The following FSTL5 variants were observed in gnomAD, a reference collection of about 807,000 sequenced individuals.
FSTL5 encodes follistatin-related protein 5.
In FSTL5, 62 loss-of-function variants were observed where a neutral mutation model predicts 89.1. The observed-to-expected ratio is 0.70, with a 90% CI of 0.57 to 0.86. The LOEUF (loss-of-function observed/expected upper bound fraction) is 0.86, where lower values mean the gene tolerates loss of function less well. Among genes scored for constraint, FSTL5 ranks in the 40% least tolerant of loss-of-function variants. FSTL5 has a pLI of 0.00. For missense variants in FSTL5, 1,057 were observed against 1,001.6 expected (o/e 1.06, Z -0.75); for synonymous variants, 383 against 346.2 (o/e 1.11, Z -1.18).
rs558316067 is a variant in FSTL5 at position 161,550,040 on chromosome 4, A to G, written c.1016-7347T>C. Among the ~76,000 whole-genome samples, 6 of 151,984 alleles carry G rather than the reference A, an allele frequency of 3.9e-5. No homozygotes were observed. In the South Asian group the frequency reaches 1.2e-3, roughly 32 times the overall value. On this transcript the variant is annotated intron_variant, in intron 8 of 15. Transcript: ENST00000306100. ...TACTGGCCTGTTAGTTCCCTTTCCC[A>G]GCTATACTCTGGGAATATTAAACTA...
chr4:161,759,436 A>G lies in FSTL5; in HGVS notation c.702T>C (p.Ala234=). ...YDDFNADKHL[A]LEEFYRAFQV... Reference sequence around the variant, plus strand: ...GGAATGCTCTATAAAATTCTTCAAGAGCCAGGTGCTTGTCAGCATTAAAAT... The same window carrying G: ...GGAATGCTCTATAAAATTCTTCAAGGGCCAGGTGCTTGTCAGCATTAAAAT... Residue 234 remains alanine (A), a synonymous_variant, in exon 6 of 16, where the codon GCT becomes GCC. Coordinates refer to ENST00000306100, the MANE Select transcript of FSTL5 (RefSeq NM_020116.5). 6.3e-7 allele frequency: 1 copy of G among 1,593,466 alleles called. No individual in the cohort carries two copies. The highest frequency in any genetic ancestry group is 8.5e-7 in the Non-Finnish European group (1 of 1,171,644).
chr4:161,411,130 G>A (rs1028090211), intron 15 of FSTL5, among the ~76,000 whole-genome samples: 4 of 152,126 alleles, frequency 2.6e-5, no homozygotes, highest in African/African-American at 4.8e-5. Context: ...TCTCGAGATC[G>A]AATCAGGAAG....
intron 3 of FSTL5, among the ~76,000 whole-genome samples, chr4:161,940,654 T>C (rs1237252213): frequency 6.6e-6 from 1 of 151,870 alleles, no homozygotes; most frequent in Non-Finnish European, 1.5e-5. Flanking sequence ...CCAATAATTC[T>C]GTATCAGATA....
chr4:161,536,544 T>G (rs2126537398), intron 10 of FSTL5, among the ~76,000 whole-genome samples: 1 of 152,316 alleles, frequency 6.6e-6, no homozygotes, highest in African/African-American at 2.4e-5. Flanking sequence ...TTTCCGTAGT[T>G]GCTAATATTC....
At chr4:162,102,781 T>G (rs2111387175) in intron 2 of FSTL5, among the ~76,000 whole-genome samples, 1 of 147,174 alleles carries the variant, frequency 6.8e-6, no homozygotes, top group East Asian at 2.0e-4. Context: ...TATATATATA[T>G]TTATATATGG....
At chr4:162,042,826 C>G (rs1738018443) in intron 2 of FSTL5, among the ~76,000 whole-genome samples, 1 of 151,146 alleles carries the variant, frequency 6.6e-6, no homozygotes, top group Non-Finnish European at 1.5e-5. Flanking sequence ...AATCATCATT[C>G]TCAGTAAACT....
chr4:161,981,603 G>T (rs893210554), intron 3 of FSTL5, among the ~76,000 whole-genome samples: 1 of 152,056 alleles, frequency 6.6e-6, no homozygotes, highest in African/African-American at 2.4e-5. Context: ...ATACTTTCTT[G>T]TGTTTCCATA....
chr4:162,094,865 C>T lies in FSTL5; in HGVS notation c.126+16406G>A, dbSNP rs377075722. Among the ~76,000 whole-genome samples the T allele has an allele frequency of 4.6e-5, 7 of 152,130 alleles. No homozygotes were observed. The South Asian group carries it at 6.2e-4, about 14-fold the overall frequency. On this transcript the variant is annotated intron_variant, in intron 2 of 15. Coordinates refer to ENST00000306100, the MANE Select transcript of FSTL5 (RefSeq NM_020116.5). Reference sequence around the variant, plus strand: ...TTGAAGTATACAATGAAGCACTTTACTCTATATTGCTTCAATTTTGCCTCA... The same window carrying T: ...TTGAAGTATACAATGAAGCACTTTATTCTATATTGCTTCAATTTTGCCTCA...
intron 6 of FSTL5, among the ~76,000 whole-genome samples, chr4:161,671,035 T>C (rs1375885417): frequency 1.3e-5 from 2 of 151,910 alleles, no homozygotes; most frequent in South Asian, 2.1e-4. Flanking sequence ...AAAAAGAGAG[T>C]TGGCTATTCT....
intron 4 of FSTL5, among the ~76,000 whole-genome samples, chr4:161,879,341 C>T (rs187503521): frequency 1.5e-3 from 223 of 152,308 alleles, no homozygotes; most frequent in African/African-American, 5.2e-3. Context: ...GGCCATTTCA[C>T]TCATTTTCCT....
At chr4:161,712,393 G>A (rs185212709) in intron 6 of FSTL5, among the ~76,000 whole-genome samples, 1 of 152,026 alleles carries the variant, frequency 6.6e-6, no homozygotes, top group Non-Finnish European at 1.5e-5. Context: ...ATTCACCTAG[G>A]TCAAATTTGA....
rs565778563 is a variant in FSTL5, at chr4:161,736,463, T to C, written c.727+22948A>G. ...GGCTCTATTAATGCCATCTAATATATTTTGCACTAAATAAAATACAAATAT... is the reference window on the plus strand; with the variant it reads ...GGCTCTATTAATGCCATCTAATATACTTTGCACTAAATAAAATACAAATAT... On this transcript the variant is annotated intron_variant, in intron 6 of 15. Transcript: ENST00000306100. 5.3e-5 allele frequency among the ~76,000 whole-genome samples: 8 copies of C among 152,274 alleles called. No individual in the cohort carries two copies. In the East Asian group the frequency reaches 9.7e-4, roughly 18 times the overall value.
chr4:161,519,877 A>G (rs1346505117), intron 10 of FSTL5, among the ~76,000 whole-genome samples: 1 of 152,192 alleles, frequency 6.6e-6, no homozygotes, highest in Non-Finnish European at 1.5e-5. Flanking sequence ...CCATTTAGAA[A>G]ATATACCATA....
chr4:161,992,900 GTGTGTATATATATA>G lies in FSTL5; in HGVS notation c.160+40711_160+40724del, dbSNP rs1736166040. Among the ~76,000 whole-genome samples the G allele has an allele frequency of 1.6e-4, 12 of 73,048 alleles. 1 individual carries two copies. The highest frequency in any genetic ancestry group is 2.1e-4 in the African/African-American group (4 of 18,886). The allele number at this position is 73,048 out of a possible 152,430, so 47.9% of individuals were successfully genotyped here. ...TATATATATATATATATATATATGT[GTGTGTATATATATA>G]TATATATATATGTGTGTATATATAT... On this transcript the variant is annotated intron_variant, in intron 3 of 15. Coordinates refer to ENST00000306100, the MANE Select transcript of FSTL5 (RefSeq NM_020116.5).
At chr4:161,892,303 A>G (rs1385942464) in intron 4 of FSTL5, among the ~76,000 whole-genome samples, 3 of 152,004 alleles carry the variant, frequency 2.0e-5, no homozygotes, top group Non-Finnish European at 4.4e-5. Flanking sequence ...CTAAATGCTC[A>G]TTTTGTTATT....
At chr4:161,982,289 T>A (rs1735847182) in intron 3 of FSTL5, among the ~76,000 whole-genome samples, 1 of 152,216 alleles carries the variant, frequency 6.6e-6, no homozygotes, top group Non-Finnish European at 1.5e-5. Context: ...GGGTCAAGAC[T>A]TGTTTTGAGG....
chr4:161,946,036 G>T (rs1456906226), intron 3 of FSTL5, among the ~76,000 whole-genome samples: 2 of 151,758 alleles, frequency 1.3e-5, no homozygotes, highest in Admixed American at 1.3e-4. Context: ...AATAACATAT[G>T]GTATATATTT....
At chr4:161,683,610 A>G (rs1000866825) in intron 6 of FSTL5, among the ~76,000 whole-genome samples, 2 of 152,188 alleles carry the variant, frequency 1.3e-5, no homozygotes, top group Non-Finnish European at 2.9e-5. Context: ...ATTTTGATAT[A>G]TATGTACAAT....
At chr4:161,537,401 T>C (rs1003968478) in intron 10 of FSTL5, among the ~76,000 whole-genome samples, 4 of 152,190 alleles carry the variant, frequency 2.6e-5, no homozygotes, top group Non-Finnish European at 5.9e-5. Flanking sequence ...GGCACGTGTA[T>C]ACCAAGGGAA....
Sources: gnomAD v4.1 joint callset for allele counts (sites outside exome capture counted in the v4.1 genomes callset) on GRCh38, gnomAD v4.1.1 for gene constraint, MANE v1.5 for transcripts, NCBI Gene and HGNC (gene_info 2026-07-23, HGNC 2026-07-21) for gene names.